Variants in TRPT1 observed in about 807,000 individuals in gnomAD.
The protein encoded by TRPT1 is tRNA phosphotransferase 1, also known as tRNA 2'-phosphotransferase 1.
TRPT1 carries 22 observed loss-of-function variants against 28.4 expected under a neutral mutation model. The ratio of observed to expected loss-of-function variants is 0.78; its 90% CI spans 0.55 to 1.11. The LOEUF (loss-of-function observed/expected upper bound fraction) is 1.11, where lower values mean the gene tolerates loss of function less well. Ranked by LOEUF, TRPT1 falls within the 50% of genes least tolerant of loss-of-function variation. The pLI is 0.00. For missense variants in TRPT1, 308 were observed against 317.7 expected, an observed-to-expected ratio of 0.97 and a Z score of 0.23; for synonymous variants, 137 against 132.4, an observed-to-expected ratio of 1.03 and a Z score of -0.24.
At chr11:64,224,475 T>C in intron 5 of TRPT1, 68 bp downstream of exon 5, 1 of 1,582,318 alleles carries the variant, frequency 6.3e-7, no homozygotes, top group South Asian at 1.2e-5. Context: ...ACAAGTGTTG[T>C]AACCTTTGAA....
upstream of TRPT1, chr11:64,226,207 C>CGCGGCGAGGCGG (rs1555052265): frequency 5.6e-6 from 2 of 355,022 alleles, no homozygotes; most frequent in Admixed American, 4.8e-5. Flanking sequence ...GATCCTCGAC[C>CGCGGCGAGGCGG]GCGGCGGACC....
Position 64,226,082 on chromosome 11 carries a change from A to G in TRPT1, c.-42T>C. The G allele has an allele frequency of 1.8e-6, 1 of 549,086 alleles. No individual in the cohort carries two copies. Among genetic ancestry groups the G allele is most frequent in the East Asian group, 3.2e-5 (1 of 31,144 alleles). The allele number at this position is 549,086 out of a possible 1,614,324, so 34.0% of individuals were successfully genotyped here. A position where few individuals can be genotyped will look rare whatever the true frequency, so the allele number is the denominator to read the frequency against. On this transcript the variant is annotated 5_prime_UTR_variant, in exon 1 of 8. Coordinates refer to ENST00000317459, the MANE Select transcript of TRPT1 (RefSeq NM_001033678.4). ...CACACGGTCAGCCAGGAGCGCAGGG[A>G]GGCCGAGCCCCGCACCCCAGATCGC...
At chr11:64,225,291 G>A (rs982272402) in intron 3 of TRPT1, 2 of 612,476 alleles carry the variant, frequency 3.3e-6, no homozygotes, top group African/African-American at 1.8e-5. Flanking sequence ...TGGAGGGGGC[G>A]GTCACCAGGC....
At chr11:64,226,206 C>G (rs1322857920), upstream of TRPT1, 1 of 271,248 alleles carries the variant, frequency 3.7e-6, no homozygotes, top group East Asian at 7.1e-5. Context: ...GGATCCTCGA[C>G]CGCGGCGGAC....
Position 64,224,201 on chromosome 11 carries a change from G to A in TRPT1, c.569C>T (p.Pro190Leu). 1 of 1,611,696 alleles carries A rather than the reference G, an allele frequency of 6.2e-7. No homozygotes were observed. Among genetic ancestry groups the A allele is most frequent in the South Asian group, 1.1e-5 (1 of 90,964 alleles). Residue 190 changes from proline (P) to leucine (L), a missense_variant, in exon 7 of 8, where the codon CCC becomes CTC. By Grantham distance (98) the Pro-to-Leu change is moderately conservative. Transcript: ENST00000317459. ...CACCCCATTGGCAGAGCGGAAGAAG[G>A]GTATTCCATCTGCTGACAGAGCCAG... is the stretch of plus-strand genomic sequence containing the variant. ...DGPLALADGI[P>L]FFRSANGVIL...
intron 2 of TRPT1, 93 bp downstream of exon 2, chr11:64,225,693 G>A: frequency 7.3e-7 from 1 of 1,378,448 alleles, no homozygotes; most frequent in Non-Finnish European, 1.0e-6. Context: ...GAGTGCCAGT[G>A]GTCTCCAGGA....
rs773168970 is a variant in TRPT1 at position 64,224,726 on chromosome 11, A to G, written c.328-9T>C. On this transcript the variant is annotated splice_polypyrimidine_tract_variant and intron_variant, in intron 4 of 7. Coordinates refer to ENST00000317459, the MANE Select transcript of TRPT1 (RefSeq NM_001033678.4). ...AGCTCCAACTTAGGTACCTGGTTGA[A>G]CGGGTAGCAGTGAGACCCCCTTCGC... 1.3e-6 allele frequency: 2 copies of G among 1,598,758 alleles called. No homozygotes were observed. Among genetic ancestry groups the G allele is most frequent in the Non-Finnish European group, 1.7e-6 (2 of 1,170,200 alleles).
At chr11:64,225,019 C>T in intron 3 of TRPT1, 49 bp from the exon 4 acceptor site, 1 of 1,516,826 alleles carries the variant, frequency 6.6e-7, no homozygotes, top group South Asian at 1.2e-5. Flanking sequence ...TGGACTGGGC[C>T]AGGGTTAACA....
intron 5 of TRPT1, 26 bp from the exon 6 acceptor site, chr11:64,224,367 C>CG: frequency 6.2e-7 from 1 of 1,613,174 alleles, no homozygotes; most frequent in South Asian, 1.1e-5. Context: ...GAGCTGAGGC[C>CG]TGGGCACCTG....
intron 1 of TRPT1, 54 bp from the exon 2 acceptor site, chr11:64,225,923 A>C: frequency 9.4e-7 from 1 of 1,068,566 alleles, no homozygotes. Context: ...CCACGTCCCC[A>C]TCCCTCCCAG....
At position 64,226,107 on chromosome 11, in the gene TRPT1, C is replaced by T; in HGVS notation, c.-67G>A. On this transcript the variant is annotated 5_prime_UTR_variant, in exon 1 of 8. Transcript: ENST00000317459. ...AGGCCGAGCCCCGCACCCCAGATCG[C>T]TGGTGCGCCCCGCAGGGTGGTCCGG... 1 of 517,896 alleles carries T rather than the reference C, an allele frequency of 1.9e-6. No individual in the cohort carries two copies. The highest frequency in any genetic ancestry group is 3.4e-6 in the Non-Finnish European group (1 of 294,174). The allele number at this position is 517,896 out of a possible 1,614,324, so 32.1% of individuals were successfully genotyped here. A position where few individuals can be genotyped will look rare whatever the true frequency, so the allele number is the denominator to read the frequency against.
chr11:64,225,749 C>T (rs1335605865), intron 2 of TRPT1, 37 bp downstream of exon 2: 1 of 1,501,222 alleles, frequency 6.7e-7, no homozygotes, highest in East Asian at 2.4e-5. Flanking sequence ...CCCAGGGAGC[C>T]TGGACTGGTG....
At position 64,225,537 on chromosome 11, in the gene TRPT1, C is replaced by T. The variant is rs769453146; in HGVS notation, c.119G>A (p.Arg40His). ...QLSKALSYAL[R>H]HGALKLGLPM... ...AAGCCCCAGCTTCAAGGCCCCATGG[C>T]GCAGGGCATAGGACAGAGCCTTGGA... The change falls in exon 3 of 8, where the codon CGC becomes CAC. Residue 40 changes from arginine (R) to histidine (H), a missense_variant. Transcript: ENST00000317459. 1.2e-6 allele frequency: 2 copies of T among 1,613,102 alleles called. No individual in the cohort carries two copies. Among genetic ancestry groups the T allele is most frequent in the Middle Eastern group, 1.6e-4 (1 of 6,062 alleles).
chr11:64,225,076 G>A, intron 3 of TRPT1, 106 bp from the exon 4 acceptor site: 1 of 1,279,720 alleles, frequency 7.8e-7, no homozygotes, highest in Non-Finnish European at 1.1e-6. Context: ...GAGATCGCTT[G>A]GGCATCCTCT....
At chr11:64,225,249 C>T in intron 3 of TRPT1, 1 of 608,720 alleles carries the variant, frequency 1.6e-6, no homozygotes, top group Non-Finnish European at 2.9e-6. Context: ...CAGGGCTCGC[C>T]CTCGGGGTAA....
chr11:64,225,321 T>C, intron 3 of TRPT1, 178 bp downstream of exon 3: 2 of 631,140 alleles, frequency 3.2e-6, no homozygotes, highest in South Asian at 3.9e-5. Flanking sequence ...ACAAGAACTC[T>C]CCTCAGTCTG....
chr11:64,224,275 C>G lies in TRPT1; in HGVS notation c.559+10G>C. On this transcript the variant is annotated intron_variant, in intron 6 of 7. Coordinates refer to ENST00000317459, the MANE Select transcript of TRPT1 (RefSeq NM_001033678.4). ...AAGGCAAGGGCAGCTCCTGCTTTGT[C>G]CAGACTCACCTGCCAGAGCCAGGGG... The G allele has an allele frequency of 6.2e-7, 1 of 1,613,876 alleles. No individual in the cohort carries two copies. The highest frequency in any genetic ancestry group is 8.5e-7 in the Non-Finnish European group (1 of 1,180,016).
chr11:64,224,068 C>T, intron 7 of TRPT1, 32 bp downstream of exon 7: 3 of 1,599,074 alleles, frequency 1.9e-6, no homozygotes, highest in Non-Finnish European at 1.7e-6. Flanking sequence ...CTTTCAGGAA[C>T]AAGGAATAGG....
rs573715412 is a variant in TRPT1, at chr11:64,226,105, C to A, written c.-65G>T. On this transcript the variant is annotated 5_prime_UTR_variant, in exon 1 of 8. Coordinates refer to ENST00000317459, the MANE Select transcript of TRPT1 (RefSeq NM_001033678.4). The stretch of plus-strand genomic sequence containing the variant: ...GGAGGCCGAGCCCCGCACCCCAGAT[C>A]GCTGGTGCGCCCCGCAGGGTGGTCC... 1.0e-3 allele frequency: 525 copies of A among 519,336 alleles called. 2 individuals carry two copies. The highest frequency in any genetic ancestry group is 9.4e-3 in the African/African-American group (475 of 50,270). 32.2% of individuals were successfully genotyped at this position (519,336 alleles called of 1,614,324 possible).
Sources: gnomAD v4.1 joint callset for allele counts on GRCh38, gnomAD v4.1.1 for gene constraint, MANE v1.5 for transcripts, NCBI Gene and HGNC (gene_info 2026-07-23, HGNC 2026-07-21) for gene names.